Variants in TIAM1 observed in about 807,000 individuals in gnomAD.
TIAM1 encodes rho guanine nucleotide exchange factor TIAM1.
TIAM1 carries 65 observed loss-of-function variants against 163.5 expected under a neutral mutation model. The ratio of observed to expected loss-of-function variants is 0.40; its 90% CI spans 0.33 to 0.49. The LOEUF (loss-of-function observed/expected upper bound fraction) is 0.49, where lower values mean the gene tolerates loss of function less well. TIAM1 is among the 20% of genes least tolerant of loss of function. The probability of loss-of-function intolerance (pLI) is 0.77; values close to 1 mark genes in which losing one functional copy is unlikely to be tolerated. For synonymous variants in TIAM1, 833 were observed against 810.1 expected (o/e 1.03, Z -0.48); for missense variants, 1,789 against 2,044.7 (o/e 0.87, Z 2.41).
intron 2 of TIAM1, among the ~76,000 whole-genome samples, chr21:31,315,755 G>A (rs2075100205): frequency 6.6e-6 from 1 of 151,732 alleles, no homozygotes; most frequent in Non-Finnish European, 1.5e-5. Flanking sequence ...GCCGAGGCAG[G>A]CGGATCATGA....
intron 2 of TIAM1, among the ~76,000 whole-genome samples, chr21:31,323,407 T>C (rs112659503): frequency 3.8e-4 from 58 of 151,066 alleles, no homozygotes; most frequent in African/African-American, 1.4e-3. Flanking sequence ...AACAAAACTA[T>C]TTAGAGACAT....
chr21:31,145,643 G>T (rs2833303), intron 20 of TIAM1, among the ~76,000 whole-genome samples: 109,026 of 152,090 alleles, frequency 0.72, 39,271 homozygotes, highest in African/African-American at 0.77. Context: ...AAATTCTACT[G>T]TGTCCTGCAC....
At chr21:31,356,410 ACT>A (rs2076317572) in intron 2 of TIAM1, among the ~76,000 whole-genome samples, 2 of 151,968 alleles carry the variant, frequency 1.3e-5, no homozygotes, top group South Asian at 4.2e-4. Context: ...TCAATCTCAT[ACT>A]CTGTTAGGGT....
chr21:31,521,071 C>G (rs2047564247), intron 1 of TIAM1, among the ~76,000 whole-genome samples: 1 of 152,218 alleles, frequency 6.6e-6, no homozygotes, highest in East Asian at 1.9e-4. Context: ...TCCATCCATG[C>G]AGGCACTCAA....
chr21:31,459,637 ACT>A (rs1828308369), intron 2 of TIAM1, among the ~76,000 whole-genome samples: 1 of 151,862 alleles, frequency 6.6e-6, no homozygotes, highest in African/African-American at 2.4e-5. Flanking sequence ...GCAACCAGAA[ACT>A]CTGGTGTGAA....
intron 2 of TIAM1, among the ~76,000 whole-genome samples, chr21:31,335,682 G>C (rs2147078729): frequency 1.3e-5 from 2 of 150,198 alleles, no homozygotes; most frequent in Middle Eastern, 6.9e-3. Flanking sequence ...TCCAGCCTGG[G>C]TGACAGAGCG....
At chr21:31,406,421 GGA>G (rs955813899) in intron 2 of TIAM1, among the ~76,000 whole-genome samples, 1 of 152,088 alleles carries the variant, frequency 6.6e-6, no homozygotes, top group Admixed American at 6.6e-5. Flanking sequence ...TCTATAAAAT[GGA>G]GAGGATGATA....
At chr21:31,480,656 G>A (rs73900109) in intron 1 of TIAM1, among the ~76,000 whole-genome samples, 2,564 of 152,348 alleles carry the variant, frequency 0.017, 65 homozygotes, top group African/African-American at 0.057. Context: ...CCTTTGGAAG[G>A]AAGGAGGGAA....
chr21:31,234,600 G>A (rs1219894809), intron 6 of TIAM1, among the ~76,000 whole-genome samples: 1 of 151,842 alleles, frequency 6.6e-6, no homozygotes, highest in Non-Finnish European at 1.5e-5. Context: ...AGGCAACATG[G>A]CAAAACCCCG....
chr21:31,466,771 G>A (rs1440698317), intron 1 of TIAM1, among the ~76,000 whole-genome samples: 4 of 152,056 alleles, frequency 2.6e-5, no homozygotes, highest in South Asian at 2.1e-4. Context: ...GTATAATTGC[G>A]CTTTTTTGCA....
chr21:31,174,664 TGAGA>T (rs949696744), intron 15 of TIAM1, among the ~76,000 whole-genome samples: 5 of 152,338 alleles, frequency 3.3e-5, no homozygotes, highest in East Asian at 1.9e-4. Context: ...TTTCTTTTTT[TGAGA>T]GAGAGTTTCG....
At chr21:31,135,778 G>C (rs1037264283) in intron 23 of TIAM1, among the ~76,000 whole-genome samples, 155 bp downstream of exon 23, 7 of 152,212 alleles carry the variant, frequency 4.6e-5, no homozygotes, top group Admixed American at 3.9e-4. Flanking sequence ...TTCATTTAGT[G>C]TTTGTGAGAT....
chr21:31,142,253 C>T, intron 20 of TIAM1, among the ~76,000 whole-genome samples: 1 of 152,056 alleles, frequency 6.6e-6, no homozygotes. Context: ...GATAAACCTA[C>T]ATTCTGAACA....
At chr21:31,487,683 A>G (rs1394430032) in intron 1 of TIAM1, among the ~76,000 whole-genome samples, 7 of 150,882 alleles carry the variant, frequency 4.6e-5, no homozygotes, top group East Asian at 3.9e-4. Flanking sequence ...TCAGCCTCCC[A>G]AGTAGCTGGG....
intron 2 of TIAM1, among the ~76,000 whole-genome samples, chr21:31,374,408 C>A (rs758507922): frequency 6.6e-6 from 1 of 152,216 alleles, no homozygotes; most frequent in African/African-American, 2.4e-5. Flanking sequence ...ACCTCATATA[C>A]CTACATATAC....
intron 25 of TIAM1, among the ~76,000 whole-genome samples, chr21:31,127,908 C>A (rs1181461074): frequency 6.6e-6 from 1 of 152,148 alleles, no homozygotes; most frequent in African/African-American, 2.4e-5. Context: ...GGGCCTAAAG[C>A]CCTGGAGACC....
intron 2 of TIAM1, among the ~76,000 whole-genome samples, chr21:31,334,902 T>C (rs2075790854): frequency 6.6e-6 from 1 of 151,988 alleles, no homozygotes; most frequent in South Asian, 2.1e-4. Flanking sequence ...CCAGTCAGCC[T>C]CTCCTCCCCA....
intron 15 of TIAM1, among the ~76,000 whole-genome samples, chr21:31,169,715 T>A (rs1475700810): frequency 6.6e-6 from 1 of 151,642 alleles, no homozygotes; most frequent in Non-Finnish European, 1.5e-5. Context: ...CACACACAGG[T>A]AAGTCTTAGT....
chr21:31,193,419 A>G (rs2085662746), intron 13 of TIAM1, among the ~76,000 whole-genome samples: 1 of 152,138 alleles, frequency 6.6e-6, no homozygotes, highest in Non-Finnish European at 1.5e-5. Context: ...CCTCCCCAGA[A>G]AAGCCCTGGG....
Sources: allele counts gnomAD v4.1 joint callset (sites outside exome capture counted in the v4.1 genomes callset), GRCh38; gene constraint gnomAD v4.1.1; transcripts MANE v1.5; gene names NCBI Gene and HGNC (gene_info 2026-07-23, HGNC 2026-07-21).